RAB6A: variants seen among roughly 807,000 people sequenced by gnomAD.
RAB6A encodes RAB6A, member RAS oncogene family.
In RAB6A, 8 loss-of-function variants were observed where a neutral mutation model predicts 32.3. The ratio of observed to expected loss-of-function variants is 0.25; its 90% CI spans 0.15 to 0.45. The LOEUF (loss-of-function observed/expected upper bound fraction) is 0.45. Among genes scored for constraint, RAB6A ranks in the 20% least tolerant of loss-of-function variants. The pLI, the probability that RAB6A is intolerant of heterozygous loss-of-function variation, is 1.00. For synonymous variants in RAB6A, 73 were observed against 82.1 expected, an observed-to-expected ratio of 0.89 and a Z score of 0.60; for missense variants, 104 against 249.4, an observed-to-expected ratio of 0.42 and a Z score of 3.93.
At chr11:73,682,996 G>A (rs191008286) in intron 6 of RAB6A, among the ~76,000 whole-genome samples, 2 of 151,992 alleles carry the variant, frequency 1.3e-5, no homozygotes, top group African/African-American at 2.4e-5. Context: ...CTTTCATCAA[G>A]ACATAAAGAA....
intron 6 of RAB6A, among the ~76,000 whole-genome samples, chr11:73,688,860 G>A (rs567992942): frequency 1.3e-5 from 2 of 152,326 alleles, no homozygotes; most frequent in Middle Eastern, 3.4e-3. Flanking sequence ...CCACCAGGCA[G>A]TGGCTCACTC....
At chr11:73,683,399 G>A (rs545957732) in intron 6 of RAB6A, among the ~76,000 whole-genome samples, 10 of 151,528 alleles carry the variant, frequency 6.6e-5, no homozygotes, top group African/African-American at 1.9e-4. Context: ...GGGACTACAG[G>A]GGCATGCCAC....
At chr11:73,693,323 G>C (rs1422308025) in intron 6 of RAB6A, among the ~76,000 whole-genome samples, 3 of 146,996 alleles carry the variant, frequency 2.0e-5, no homozygotes, top group African/African-American at 7.7e-5. Context: ...AATAAATAAA[G>C]GATTTAAGGA....
In RAB6A at chr11:73,704,010, C is replaced by A. The variant is rs143481257; in HGVS notation, c.495+3410G>T. On this transcript the variant is annotated intron_variant, in intron 6 of 7. Coordinates refer to ENST00000336083, the MANE Select transcript of RAB6A (RefSeq NM_198896.2). Reference sequence around the variant, plus strand: ...TGCCACTGCACTCCAGCCTGGGCAACAGAGGGAGACTCCATCTCAAAAAAA... The same window carrying A: ...TGCCACTGCACTCCAGCCTGGGCAAAAGAGGGAGACTCCATCTCAAAAAAA... Among the ~76,000 whole-genome samples the A allele has an allele frequency of 5.5e-3, 791 of 145,108 alleles. 7 individuals are homozygous for A. Among genetic ancestry groups the A allele is most frequent in the African/African-American group, 0.019 (722 of 38,904 alleles).
intron 1 of RAB6A, among the ~76,000 whole-genome samples, chr11:73,758,828 T>G (rs1946798819): frequency 6.6e-6 from 1 of 152,188 alleles, no homozygotes; most frequent in African/African-American, 2.4e-5. Flanking sequence ...ATTTTATGTT[T>G]GGGAACTATC....
intron 1 of RAB6A, among the ~76,000 whole-genome samples, chr11:73,747,693 C>T (rs1946612896): frequency 6.6e-6 from 1 of 152,176 alleles, no homozygotes; most frequent in African/African-American, 2.4e-5. Context: ...TCTCCTTGGT[C>T]TCCTCTGATA....
chr11:73,753,347 C>T (rs1048807080), intron 1 of RAB6A, among the ~76,000 whole-genome samples: 6 of 152,052 alleles, frequency 3.9e-5, no homozygotes, highest in Admixed American at 2.0e-4. Flanking sequence ...CAGATGCACG[C>T]CATCATGCCC....
intron 5 of RAB6A, among the ~76,000 whole-genome samples, chr11:73,714,206 AAAAAT>A (rs1946013376): frequency 1.3e-5 from 1 of 78,978 alleles, no homozygotes; most frequent in Non-Finnish European, 2.7e-5. Flanking sequence ...AAAAAAAAAA[AAAAAT>A]ATATATATAT....
chr11:73,712,841 C>G (rs180681174), intron 5 of RAB6A, among the ~76,000 whole-genome samples: 1 of 151,692 alleles, frequency 6.6e-6, no homozygotes, highest in Non-Finnish European at 1.5e-5. Context: ...TCTCAGCCAC[C>G]CAAGTAGCTG....
intron 6 of RAB6A, among the ~76,000 whole-genome samples, chr11:73,704,417 G>C (rs1945798841): frequency 6.6e-6 from 1 of 151,784 alleles, no homozygotes; most frequent in Non-Finnish European, 1.5e-5. Flanking sequence ...AGGCATGGTG[G>C]CTCACACCTG....
intron 6 of RAB6A, among the ~76,000 whole-genome samples, chr11:73,696,010 T>C (rs1401121459): frequency 6.6e-6 from 1 of 152,216 alleles, no homozygotes; most frequent in Non-Finnish European, 1.5e-5. Flanking sequence ...TGACTACCAG[T>C]TCTTACCTTA....
chr11:73,712,158 AT>A (rs1945967049), intron 5 of RAB6A, among the ~76,000 whole-genome samples: 2 of 152,104 alleles, frequency 1.3e-5, no homozygotes, highest in Non-Finnish European at 2.9e-5. Flanking sequence ...GTTAGTCCTT[AT>A]TTTATTTTCA....
At chr11:73,698,413 A>C (rs923370397) in intron 6 of RAB6A, among the ~76,000 whole-genome samples, 2 of 152,166 alleles carry the variant, frequency 1.3e-5, no homozygotes, top group Non-Finnish European at 2.9e-5. Flanking sequence ...TTGGCCTCTA[A>C]AACTTTGGTT....
chr11:73,697,029 A>G (rs946432804), intron 6 of RAB6A, among the ~76,000 whole-genome samples: 8 of 152,180 alleles, frequency 5.3e-5, no homozygotes, highest in Non-Finnish European at 1.2e-4. Flanking sequence ...TCTGTTCTCC[A>G]TAACTATCTC....
Position 73,760,699 on chromosome 11 carries a change from C to T in RAB6A, c.-64G>A, listed in dbSNP as rs561187117. On this transcript the variant is annotated 5_prime_UTR_variant, in exon 1 of 8. Coordinates refer to ENST00000336083, the MANE Select transcript of RAB6A (RefSeq NM_198896.2). Reference sequence around the variant, plus strand: ...ACCTCCCGGACCGATGCTGCTCCAGCCAGCTGACGAAAAAGGCGAGCGGAA... The same window carrying T: ...ACCTCCCGGACCGATGCTGCTCCAGTCAGCTGACGAAAAAGGCGAGCGGAA... 3.9e-6 allele frequency: 6 copies of T among 1,558,324 alleles called. No homozygotes were observed. The South Asian group carries it at 4.7e-5, about 12-fold the overall frequency.
At chr11:73,678,909 A>T (rs2134857155) in intron 7 of RAB6A, among the ~76,000 whole-genome samples, 1 of 151,844 alleles carries the variant, frequency 6.6e-6, no homozygotes, top group African/African-American at 2.4e-5. Flanking sequence ...TATTTTTAGT[A>T]GAGACAAGGT....
At chr11:73,760,103 A>AT (rs1282496363) in intron 1 of RAB6A, 1 of 1,291,034 alleles carries the variant, frequency 7.7e-7, no homozygotes, top group Non-Finnish European at 1.0e-6. Context: ...CAACGCCCAG[A>AT]TCCCACCCTC....
intron 6 of RAB6A, chr11:73,704,164 C>G: frequency 2.4e-6 from 1 of 412,268 alleles, no homozygotes. Context: ...GGAGGATCAC[C>G]TGAGTCTAGG....
intron 3 of RAB6A, chr11:73,718,975 G>A (rs1946094554): frequency 7.9e-7 from 1 of 1,262,592 alleles, no homozygotes; most frequent in Admixed American, 2.5e-5. Context: ...TTGTAAAAGG[G>A]AGAGGGTGGG....
Sources: allele counts gnomAD v4.1 joint callset (sites outside exome capture counted in the v4.1 genomes callset), GRCh38; gene constraint gnomAD v4.1.1; transcripts MANE v1.5; gene names NCBI Gene and HGNC (gene_info 2026-07-23, HGNC 2026-07-21).